The following ACYP2 variants were observed in gnomAD, a reference collection of about 807,000 sequenced individuals.
ACYP2 encodes acylphosphatase-2.
A neutral mutation model predicts 11.2 loss-of-function variants in ACYP2; 12 were observed. That is an observed-to-expected ratio of 1.08 (90% confidence interval 0.69 to 1.74). The LOEUF is 1.74. ACYP2 is among the 40% of genes most tolerant of loss of function. The pLI, the probability that ACYP2 is intolerant of heterozygous loss-of-function variation, is 0.00. For missense variants in ACYP2, 134 were observed against 101.9 expected, an observed-to-expected ratio of 1.31 and a Z score of -1.35; for synonymous variants, 43 against 32.2, an observed-to-expected ratio of 1.33 and a Z score of -1.13.
intron 6 of ACYP2, among the ~76,000 whole-genome samples, chr2:54,145,612 A>G (rs767896478): frequency 6.6e-6 from 1 of 151,820 alleles, no homozygotes; most frequent in Non-Finnish European, 1.5e-5. Flanking sequence ...TATTCCTCCA[A>G]CTTTTTTTTT....
At chr2:54,220,626 T>C (rs1206819006) in intron 6 of ACYP2, among the ~76,000 whole-genome samples, 1 of 152,210 alleles carries the variant, frequency 6.6e-6, no homozygotes, top group Non-Finnish European at 1.5e-5. Flanking sequence ...TGGTTTGACA[T>C]AGTTTGAGTA....
chr2:54,228,130 C>T (rs1387162025), intron 6 of ACYP2, among the ~76,000 whole-genome samples: 9 of 152,144 alleles, frequency 5.9e-5, no homozygotes, highest in Non-Finnish European at 1.5e-5. Flanking sequence ...GAATTTCAAT[C>T]CCTTATTACT....
chr2:54,008,271 C>G (rs908549363), intron 2 of ACYP2, among the ~76,000 whole-genome samples: 3 of 152,218 alleles, frequency 2.0e-5, no homozygotes, highest in Non-Finnish European at 2.9e-5. Flanking sequence ...ATTTATATAG[C>G]TCCTCTAAGT....
At chr2:54,032,185 T>A (rs1311166900) in intron 2 of ACYP2, among the ~76,000 whole-genome samples, 6 of 152,324 alleles carry the variant, frequency 3.9e-5, no homozygotes, top group East Asian at 1.9e-4. Context: ...GGTGTTTTAG[T>A]CATGAAGTCC....
Position 54,286,465 on chromosome 2 carries a change from A to T in ACYP2, c.405-18223A>T, listed in dbSNP as rs79963690. Reference sequence around the variant, plus strand: ...TCCCCCCATCAGGGACTCTCTGTAAACTACCTTCTTCAAGCCACTATTACT... The same window carrying T: ...TCCCCCCATCAGGGACTCTCTGTAATCTACCTTCTTCAAGCCACTATTACT... On this transcript the variant is annotated intron_variant, in intron 6 of 6. Coordinates refer to ENST00000607452, the MANE Select transcript of ACYP2 (RefSeq NM_001320586.2). 7.2e-3 allele frequency among the ~76,000 whole-genome samples: 1,091 copies of T among 152,144 alleles called. 32 individuals carry two copies. The highest frequency in any genetic ancestry group is 0.025 in the African/African-American group (1,032 of 41,406).
chr2:54,170,562 A>G (rs897381323), intron 6 of ACYP2, among the ~76,000 whole-genome samples: 1 of 117,356 alleles, frequency 8.5e-6, no homozygotes, highest in Non-Finnish European at 1.7e-5. Context: ...TTTTCTTAAA[A>G]CAGTTTTTTT....
chr2:54,193,812 T>G lies in ACYP2; in HGVS notation c.404+55064T>G, dbSNP rs79658606. Among the ~76,000 whole-genome samples the G allele has an allele frequency of 9.6e-3, 1,468 of 152,278 alleles. 30 individuals carry two copies. Among genetic ancestry groups the G allele is most frequent in the African/African-American group, 0.032 (1,336 of 41,560 alleles). ...TTAGGATATTACTGTTGTCTTTATA[T>G]CTGCAAATAAGTAGTAATGTATTAG... On this transcript the variant is annotated intron_variant, in intron 6 of 6. Transcript: ENST00000607452.
chr2:53,999,526 C>CT (rs1264454952), intron 2 of ACYP2, among the ~76,000 whole-genome samples: 2 of 152,150 alleles, frequency 1.3e-5, no homozygotes, highest in African/African-American at 4.8e-5. Context: ...CTGGAATGTT[C>CT]TAGCCCCTTT....
chr2:54,051,832 G>A, intron 3 of ACYP2: 1 of 347,682 alleles, frequency 2.9e-6, no homozygotes, highest in Non-Finnish European at 5.3e-6. Flanking sequence ...ATCACCTGAG[G>A]TCAGGAGTTT....
At position 54,141,553 on chromosome 2, in the gene ACYP2, G is replaced by T. The variant is rs187930445; in HGVS notation, c.404+2805G>T. ...GCATTGAAATACATTTTTGTCATACGTTAAAATCTCATATAGACTGGATTT... is the reference window on the plus strand; with the variant it reads ...GCATTGAAATACATTTTTGTCATACTTTAAAATCTCATATAGACTGGATTT... On this transcript the variant is annotated intron_variant, in intron 6 of 6. Transcript: ENST00000607452. Among the ~76,000 whole-genome samples, 4 of 152,186 alleles carry T rather than the reference G, an allele frequency of 2.6e-5. No individual in the cohort carries two copies. The East Asian group carries it at 7.7e-4, about 29-fold the overall frequency.
chr2:54,216,757 A>C (rs944095693), intron 6 of ACYP2, among the ~76,000 whole-genome samples: 3 of 152,128 alleles, frequency 2.0e-5, no homozygotes, highest in Non-Finnish European at 2.9e-5. Context: ...GGCTAGTCTC[A>C]AACTCTTGGC....
At chr2:54,028,881 C>T (rs182124706) in intron 2 of ACYP2, among the ~76,000 whole-genome samples, 4 of 152,280 alleles carry the variant, frequency 2.6e-5, no homozygotes, top group East Asian at 3.9e-4. Flanking sequence ...TAATCTTGCT[C>T]GGCACAGTGG....
chr2:54,001,807 C>T (rs868343860), intron 2 of ACYP2, among the ~76,000 whole-genome samples: 80 of 152,356 alleles, frequency 5.3e-4, no homozygotes, highest in Middle Eastern at 6.8e-3. Context: ...AAGTCTTCCT[C>T]CTGCCATGGC....
intron 6 of ACYP2, among the ~76,000 whole-genome samples, chr2:54,162,551 C>T (rs899523560): frequency 1.3e-5 from 2 of 152,122 alleles, no homozygotes; most frequent in Non-Finnish European, 2.9e-5. Context: ...TGCAGATTCT[C>T]GGCTCCCACC....
chr2:54,219,821 G>GTGTGTGTATATATATGTGTGTA (rs1553394626), intron 6 of ACYP2, among the ~76,000 whole-genome samples: 12,402 of 142,454 alleles, frequency 0.087, 2,006 homozygotes, highest in African/African-American at 0.31. Flanking sequence ...TTGTGTATGT[G>GTGTGTGTATATATATGTGTGTA]TGTGTGTATA....
intron 4 of ACYP2, among the ~76,000 whole-genome samples, chr2:54,117,470 A>G (rs560880539): frequency 6.6e-6 from 1 of 151,968 alleles, no homozygotes; most frequent in Admixed American, 6.6e-5. Context: ...AATTTTTAAA[A>G]TTTTTTTGTA....
chr2:53,982,434 A>T (rs775907533), intron 2 of ACYP2, among the ~76,000 whole-genome samples: 37 of 152,246 alleles, frequency 2.4e-4, no homozygotes, highest in South Asian at 1.7e-3. Flanking sequence ...CAAGTCAGAG[A>T]TCGTTAGATG....
intron 2 of ACYP2, among the ~76,000 whole-genome samples, chr2:53,996,000 G>A (rs1162868301): frequency 6.6e-6 from 1 of 152,010 alleles, no homozygotes; most frequent in Non-Finnish European, 1.5e-5. Flanking sequence ...TGGGCTTGGT[G>A]GTGGATGTCT....
intron 4 of ACYP2, among the ~76,000 whole-genome samples, chr2:54,104,016 C>T (rs1679032977): frequency 6.6e-6 from 1 of 152,214 alleles, no homozygotes; most frequent in Non-Finnish European, 1.5e-5. Context: ...AGACCAAAGC[C>T]AGCCCCAGGT....
Sources: gnomAD v4.1 joint callset for allele counts (sites outside exome capture counted in the v4.1 genomes callset) on GRCh38, gnomAD v4.1.1 for gene constraint, MANE v1.5 for transcripts, NCBI Gene and HGNC (gene_info 2026-07-23, HGNC 2026-07-21) for gene names.